CCDC171: variants seen among roughly 807,000 people sequenced by gnomAD.
CCDC171 encodes coiled-coil domain containing 171, also known as coiled-coil domain-containing protein 171.
CCDC171 carries 177 observed loss-of-function variants against 168.2 expected under a neutral mutation model. The ratio of observed to expected loss-of-function variants is 1.05; its 90% confidence interval spans 0.93 to 1.19. The LOEUF is 1.19. CCDC171 is among the 50% of genes most tolerant of loss of function. The probability of loss-of-function intolerance (pLI) is 0.00; values close to 1 mark genes in which losing one functional copy is unlikely to be tolerated. For synonymous variants in CCDC171, 687 were observed against 540.8 expected, an observed-to-expected ratio of 1.27 and a Z score of -3.75; for missense variants, 1,991 against 1,539.0, an observed-to-expected ratio of 1.29 and a Z score of -4.91.
chr9:15,834,764 G>A (rs977000474), intron 21 of CCDC171, among the ~76,000 whole-genome samples: 3 of 152,218 alleles, frequency 2.0e-5, no homozygotes, highest in African/African-American at 4.8e-5. Context: ...TTGCCAAAAT[G>A]TGGTTAGGGA....
At chr9:15,905,994 A>T (rs1309306349) in intron 24 of CCDC171, among the ~76,000 whole-genome samples, 1 of 152,278 alleles carries the variant, frequency 6.6e-6, no homozygotes, top group Non-Finnish European at 1.5e-5. Context: ...ATCTCTGAAT[A>T]GACCAATAAC....
intron 18 of CCDC171, among the ~76,000 whole-genome samples, chr9:15,754,428 A>G (rs1002503864): frequency 6.6e-6 from 1 of 152,138 alleles, no homozygotes; most frequent in Non-Finnish European, 1.5e-5. Flanking sequence ...AGCATTGTGT[A>G]TAATACCTGG....
intron 6 of CCDC171, among the ~76,000 whole-genome samples, chr9:15,596,120 T>G (rs1485097541): frequency 6.6e-6 from 1 of 152,226 alleles, no homozygotes; most frequent in Non-Finnish European, 1.5e-5. Context: ...TGGTAGTTTC[T>G]TTTGCTGTGT....
chr9:15,710,060 A>C (rs1239135000), intron 11 of CCDC171, among the ~76,000 whole-genome samples: 1 of 152,134 alleles, frequency 6.6e-6, no homozygotes, highest in Non-Finnish European at 1.5e-5. Flanking sequence ...AAAACATGAA[A>C]ATATGTTTAA....
chr9:15,754,394 G>A (rs541113600), intron 18 of CCDC171, among the ~76,000 whole-genome samples: 2 of 152,130 alleles, frequency 1.3e-5, no homozygotes, highest in South Asian at 4.2e-4. Context: ...ATGTTCCAAG[G>A]ATTTAGTGAG....
chr9:15,626,242 A>G (rs1278278364), intron 7 of CCDC171, among the ~76,000 whole-genome samples: 2 of 152,214 alleles, frequency 1.3e-5, no homozygotes, highest in Non-Finnish European at 2.9e-5. Context: ...TTCTAAATAT[A>G]CAATCACGTC....
In CCDC171 at chr9:15,689,147, A is replaced by C. The variant is rs148010397; in HGVS notation, c.1216-6088A>C. On this transcript the variant is annotated intron_variant, in intron 10 of 25. Transcript: ENST00000380701. ...ATAAAGAATATAATACTTAGGAATA[A>C]TTTGACAAAAGAAGCATAAAACTTG... Among the ~76,000 whole-genome samples, 488 of 152,374 alleles carry C rather than the reference A, an allele frequency of 3.2e-3. 2 individuals are homozygous for C. Among genetic ancestry groups the C allele is most frequent in the Middle Eastern group, 0.01 (3 of 294 alleles).
chr9:15,799,164 A>ATATATATATATATATATG (rs1293714443), intron 21 of CCDC171, among the ~76,000 whole-genome samples: 1 of 126,602 alleles, frequency 7.9e-6, no homozygotes, highest in Non-Finnish European at 1.7e-5. Flanking sequence ...ATATATATAT[A>ATATATATATATATATATG]TACCATTTTG....
intron 3 of CCDC171, among the ~76,000 whole-genome samples, chr9:15,991,698 T>G (rs924837367): frequency 4.6e-5 from 7 of 151,290 alleles, no homozygotes; most frequent in African/African-American, 7.3e-5. Context: ...TAATAAAGAA[T>G]AAAAGAGAGA....
In CCDC171 at chr9:15,666,276, T is replaced by C. The variant is rs767831808; in HGVS notation, c.1029T>C (p.Tyr343=). 9.9e-6 allele frequency: 16 copies of C among 1,613,636 alleles called. No individual in the cohort carries two copies. Among genetic ancestry groups the C allele is most frequent in the Non-Finnish European group, 1.4e-5 (16 of 1,179,744 alleles). The part of the protein sequence containing the change: ...KNEFKEVESA[Y]EREKHNAQES... ...AATTCAAAGAAGTTGAAAGTGCATATGAGCGAGAAAAGCATAATGCACAAG... is the reference window on the plus strand; with the variant it reads ...AATTCAAAGAAGTTGAAAGTGCATACGAGCGAGAAAAGCATAATGCACAAG... The change falls in exon 9 of 26, where the codon TAT becomes TAC. Residue 343 remains tyrosine (Y), a synonymous_variant. Coordinates refer to ENST00000380701, the MANE Select transcript of CCDC171 (RefSeq NM_173550.4).
At chr9:16,029,001 C>T (rs980275122) in intron 6 of CCDC171, among the ~76,000 whole-genome samples, 1 of 152,096 alleles carries the variant, frequency 6.6e-6, no homozygotes, top group African/African-American at 2.4e-5. Context: ...GGTAAAAAGC[C>T]TTGAGCATAG....
chr9:15,755,454 A>G (rs2056047601), intron 18 of CCDC171, among the ~76,000 whole-genome samples: 2 of 152,214 alleles, frequency 1.3e-5, no homozygotes, highest in Admixed American at 6.5e-5. Flanking sequence ...AAAGGAAAAC[A>G]TACATTCATA....
At chr9:15,938,900 C>T (rs1827396848) in intron 25 of CCDC171, among the ~76,000 whole-genome samples, 1 of 151,614 alleles carries the variant, frequency 6.6e-6, no homozygotes, top group Admixed American at 6.6e-5. Context: ...AAAATAATGC[C>T]ATATGGATAG....
At chr9:15,876,999 T>A (rs571089456) in intron 24 of CCDC171, among the ~76,000 whole-genome samples, 33 of 152,198 alleles carry the variant, frequency 2.2e-4, no homozygotes, top group Admixed American at 6.5e-4. Flanking sequence ...CAAACTTTAT[T>A]ATAGGTATAA....
intron 3 of CCDC171, among the ~76,000 whole-genome samples, chr9:15,989,977 G>A (rs566827397): frequency 6.6e-6 from 1 of 152,302 alleles, no homozygotes; most frequent in South Asian, 2.1e-4. Context: ...GTGACGGGGA[G>A]AAAGGAACCA....
chr9:15,985,711 A>T (rs535514006), intron 3 of CCDC171, among the ~76,000 whole-genome samples: 1 of 152,232 alleles, frequency 6.6e-6, no homozygotes, highest in Non-Finnish European at 1.5e-5. Flanking sequence ...CCACCCAAAG[A>T]TGATAATTCA....
chr9:15,790,764 A>C (rs1564412487), intron 21 of CCDC171, among the ~76,000 whole-genome samples: 2 of 152,144 alleles, frequency 1.3e-5, no homozygotes, highest in Non-Finnish European at 2.9e-5. Flanking sequence ...ATCTTGAATT[A>C]ATTTTTGTAT....
chr9:15,943,210 T>C (rs1272966648), intron 25 of CCDC171, among the ~76,000 whole-genome samples: 1 of 152,036 alleles, frequency 6.6e-6, no homozygotes, highest in Non-Finnish European at 1.5e-5. Flanking sequence ...CTAGTTCGCA[T>C]GGTGGCAGTG....
chr9:15,879,493 A>G (rs964602008), intron 24 of CCDC171, among the ~76,000 whole-genome samples: 2 of 152,148 alleles, frequency 1.3e-5, no homozygotes, highest in Non-Finnish European at 2.9e-5. Context: ...ATTATTGTTA[A>G]TTATAATTTC....
Sources: allele counts gnomAD v4.1 joint callset (sites outside exome capture counted in the v4.1 genomes callset), GRCh38; gene constraint gnomAD v4.1.1; transcripts MANE v1.5; gene names NCBI Gene and HGNC (gene_info 2026-07-23, HGNC 2026-07-21).